Variants in FHOD3 observed in about 807,000 individuals in gnomAD.
FHOD3 encodes the protein formin homology 2 domain containing 3.
A neutral mutation model predicts 173.0 loss-of-function variants in FHOD3; 90 were observed. That is an observed-to-expected ratio of 0.52 (90% CI 0.44 to 0.62). The LOEUF is 0.62. FHOD3 is among the 20% of genes least tolerant of loss of function. The pLI is 0.00. For missense variants in FHOD3, 1,945 were observed against 2,034.7 expected, an observed-to-expected ratio of 0.96 and a Z score of 0.85; for synonymous variants, 828 against 823.0, an observed-to-expected ratio of 1.01 and a Z score of -0.10.
At chr18:36,315,777 A>G (rs1940585761) in intron 1 of FHOD3, among the ~76,000 whole-genome samples, 1 of 152,152 alleles carries the variant, frequency 6.6e-6, no homozygotes, top group Admixed American at 6.5e-5. Context: ...AGTGAACCCC[A>G]GCAGTGCCGA....
chr18:36,551,978 A>G (rs2057675960), intron 5 of FHOD3, among the ~76,000 whole-genome samples: 1 of 152,132 alleles, frequency 6.6e-6, no homozygotes, highest in Admixed American at 6.5e-5. Flanking sequence ...TTGGCAATGC[A>G]GGCTCTTTTT....
chr18:36,720,780 C>G (rs918104059), intron 19 of FHOD3, among the ~76,000 whole-genome samples: 11 of 37,308 alleles, frequency 2.9e-4, no homozygotes, highest in African/African-American at 1.3e-3. Flanking sequence ...TCCTCCTCCT[C>G]TTCCTCCTCC....
intron 17 of FHOD3, 80 bp downstream of exon 17, chr18:36,693,503 C>T: frequency 7.7e-7 from 1 of 1,296,984 alleles, no homozygotes; most frequent in Non-Finnish European, 1.1e-6. Flanking sequence ...ATGATTTCAA[C>T]CTGCAGGCTA....
intron 10 of FHOD3, among the ~76,000 whole-genome samples, chr18:36,638,518 C>T (rs966847916): frequency 6.6e-5 from 10 of 152,030 alleles, no homozygotes; most frequent in East Asian, 1.9e-4. Context: ...TGGTGGGGAT[C>T]GGATTGGAGG....
At chr18:36,612,603 G>A (rs1241505742) in intron 9 of FHOD3, among the ~76,000 whole-genome samples, 1 of 152,116 alleles carries the variant, frequency 6.6e-6, no homozygotes, top group Non-Finnish European at 1.5e-5. Context: ...CTCCCACCTT[G>A]TTATGGTGAT....
intron 1 of FHOD3, among the ~76,000 whole-genome samples, chr18:36,333,163 C>T (rs1421363489): frequency 2.0e-5 from 3 of 152,192 alleles, no homozygotes; most frequent in Admixed American, 1.3e-4. Flanking sequence ...AGGTTTATAC[C>T]ATAATCGGCA....
chr18:36,648,379 A>G (rs1318103804), intron 10 of FHOD3, among the ~76,000 whole-genome samples: 3 of 152,238 alleles, frequency 2.0e-5, no homozygotes, highest in Non-Finnish European at 2.9e-5. Flanking sequence ...CCATGACCAC[A>G]TAAGTCGGTT....
chr18:36,458,042 G>A (rs1249067995), intron 3 of FHOD3, among the ~76,000 whole-genome samples: 1 of 152,190 alleles, frequency 6.6e-6, no homozygotes, highest in Non-Finnish European at 1.5e-5. Context: ...AAAGAGGGAA[G>A]CAGAGAGGAG....
At chr18:36,706,092 G>A (rs1022006076) in intron 17 of FHOD3, among the ~76,000 whole-genome samples, 1 of 151,942 alleles carries the variant, frequency 6.6e-6, no homozygotes, top group Non-Finnish European at 1.5e-5. Flanking sequence ...GGCTGTCCTG[G>A]GTGCTTCCTG....
chr18:36,707,367 C>G (rs1348631062), intron 17 of FHOD3, among the ~76,000 whole-genome samples: 1 of 152,208 alleles, frequency 6.6e-6, no homozygotes, highest in African/African-American at 2.4e-5. Flanking sequence ...GATGCACAAC[C>G]TGTAATCAAA....
intron 16 of FHOD3, 40 bp downstream of exon 16, chr18:36,687,218 G>A (rs1473906973): frequency 6.8e-7 from 1 of 1,476,474 alleles, no homozygotes; most frequent in Admixed American, 1.7e-5. Flanking sequence ...CAAATGGCAT[G>A]TGACTTTGCA....
chr18:36,412,032 C>T (rs112007482), intron 3 of FHOD3, among the ~76,000 whole-genome samples: 44 of 152,316 alleles, frequency 2.9e-4, no homozygotes, highest in African/African-American at 1.0e-3. Context: ...GGATTTGAGC[C>T]CTTTGTGTAA....
chr18:36,493,603 T>C (rs1255087106), intron 3 of FHOD3, among the ~76,000 whole-genome samples: 1 of 152,128 alleles, frequency 6.6e-6, no homozygotes, highest in East Asian at 1.9e-4. Flanking sequence ...CAGAGAGTTG[T>C]TTTTCACCAA....
intron 1 of FHOD3, among the ~76,000 whole-genome samples, chr18:36,308,095 C>T (rs994125225): frequency 6.6e-6 from 1 of 152,120 alleles, no homozygotes; most frequent in African/African-American, 2.4e-5. Context: ...TTTGTCCATG[C>T]TTGGTACTTA....
chr18:36,324,057 C>T (rs770216483), intron 1 of FHOD3, among the ~76,000 whole-genome samples: 1 of 152,188 alleles, frequency 6.6e-6, no homozygotes, highest in Non-Finnish European at 1.5e-5. Context: ...TTACAGTAGT[C>T]CCACAAGGAT....
At chr18:36,605,949 A>G (rs1283536583) in intron 8 of FHOD3, among the ~76,000 whole-genome samples, 3 of 152,208 alleles carry the variant, frequency 2.0e-5, no homozygotes, top group Non-Finnish European at 2.9e-5. Context: ...ACTAAGTCCT[A>G]TCCTGGTAAC....
At chr18:36,520,722 T>C (rs1384692694) in intron 5 of FHOD3, among the ~76,000 whole-genome samples, 1 of 152,240 alleles carries the variant, frequency 6.6e-6, no homozygotes, top group East Asian at 1.9e-4. Context: ...AATTTTAGTT[T>C]CTACTGGAAG....
At chr18:36,630,806 A>G (rs2034458471) in intron 10 of FHOD3, among the ~76,000 whole-genome samples, 1 of 152,206 alleles carries the variant, frequency 6.6e-6, no homozygotes, top group African/African-American at 2.4e-5. Flanking sequence ...AGAATTGCTA[A>G]TTTTTTTCCA....
At chr18:36,441,251 C>T (rs2143767966) in intron 3 of FHOD3, among the ~76,000 whole-genome samples, 1 of 152,238 alleles carries the variant, frequency 6.6e-6, no homozygotes, top group Non-Finnish European at 1.5e-5. Flanking sequence ...CACCTGCCCA[C>T]CAATGCGAGG....
Sources: gnomAD v4.1 joint callset for allele counts (sites outside exome capture counted in the v4.1 genomes callset) on GRCh38, gnomAD v4.1.1 for gene constraint, MANE v1.5 for transcripts, NCBI Gene and HGNC (gene_info 2026-07-23, HGNC 2026-07-21) for gene names.